The following CWC27 variants were observed in gnomAD, a reference collection of about 807,000 sequenced individuals.
CWC27 encodes spliceosome-associated protein CWC27 homolog.
CWC27 carries 47 observed loss-of-function variants against 63.6 expected under a neutral mutation model. The ratio of observed to expected loss-of-function variants is 0.74; its 90% CI spans 0.58 to 0.94. The LOEUF (loss-of-function observed/expected upper bound fraction) is 0.94. CWC27 is among the 40% of genes least tolerant of loss of function. CWC27 has a pLI of 0.00. For synonymous variants in CWC27, 175 were observed against 179.8 expected, an observed-to-expected ratio of 0.97 and a Z score of 0.22; for missense variants, 495 against 554.3, an observed-to-expected ratio of 0.89 and a Z score of 1.07.
At chr5:64,924,261 A>G (rs978381598) in intron 11 of CWC27, among the ~76,000 whole-genome samples, 17 of 152,072 alleles carry the variant, frequency 1.1e-4, no homozygotes, top group African/African-American at 3.9e-4. Context: ...TAACTACCTC[A>G]TGGGTTGCTA....
At chr5:64,863,677 C>T (rs995208862) in intron 10 of CWC27, among the ~76,000 whole-genome samples, 1 of 151,926 alleles carries the variant, frequency 6.6e-6, no homozygotes, top group African/African-American at 2.4e-5. Context: ...AAATTTTTTG[C>T]CACTCCTCAC....
chr5:64,775,984 G>A (rs10514975), intron 2 of CWC27, among the ~76,000 whole-genome samples: 81,614 of 150,588 alleles, frequency 0.54, 22,574 homozygotes, highest in East Asian at 0.85. Flanking sequence ...CTAAATAGAC[G>A]TAATTATCAG....
rs192107825 is a variant in CWC27 at position 64,808,095 on chromosome 5, G to C, written c.938+3709G>C. The C allele has an allele frequency of 2.0e-4, 234 of 1,169,036 alleles. 1 individual carries two copies. Among genetic ancestry groups the C allele is most frequent in the Non-Finnish European group, 2.4e-4 (225 of 943,416 alleles). 72.4% of individuals were successfully genotyped at this position (1,169,036 alleles called of 1,614,324 possible). On this transcript the variant is annotated intron_variant, in intron 10 of 13. Coordinates refer to ENST00000381070, the MANE Select transcript of CWC27 (RefSeq NM_005869.4). Reference sequence around the variant, plus strand: ...TCAAGAACCTTACTATTTAAAGTGTGATCTGTGAAGCAGTAGCATTAGTAT... The same window carrying C: ...TCAAGAACCTTACTATTTAAAGTGTCATCTGTGAAGCAGTAGCATTAGTAT...
Position 64,785,250 on chromosome 5 carries a change from A to T in CWC27, c.397-231A>T, listed in dbSNP as rs149707897. On this transcript the variant is annotated intron_variant, in intron 4 of 13. Coordinates refer to ENST00000381070, the MANE Select transcript of CWC27 (RefSeq NM_005869.4). ...GGCATTATATTATTAATAAAAACTT[A>T]CATTAAATATATATTGGAAATTTCC... is the stretch of plus-strand genomic sequence containing the variant. Among the ~76,000 whole-genome samples, 391 of 152,310 alleles carry T rather than the reference A, an allele frequency of 2.6e-3. 15 individuals are homozygous for T. In the East Asian group the frequency reaches 0.065, roughly 25 times the overall value.
At chr5:64,947,307 C>T (rs1748609787) in intron 11 of CWC27, among the ~76,000 whole-genome samples, 2 of 152,082 alleles carry the variant, frequency 1.3e-5, no homozygotes, top group South Asian at 2.1e-4. Context: ...TATTCAAGCA[C>T]CAATGAGCAG....
chr5:65,012,020 C>T (rs1749970256), intron 13 of CWC27, among the ~76,000 whole-genome samples: 1 of 152,176 alleles, frequency 6.6e-6, no homozygotes, highest in South Asian at 2.1e-4. Flanking sequence ...CCCAAAGATG[C>T]TCCCACATTG....
chr5:64,983,993 G>A (rs376202934), intron 13 of CWC27, among the ~76,000 whole-genome samples: 51 of 152,024 alleles, frequency 3.4e-4, no homozygotes, highest in East Asian at 2.9e-3. Flanking sequence ...CACCACGCCC[G>A]GCTAATTTTT....
chr5:64,837,560 A>T (rs1271549493), intron 10 of CWC27, among the ~76,000 whole-genome samples: 1 of 151,916 alleles, frequency 6.6e-6, no homozygotes, highest in African/African-American at 2.4e-5. Context: ...ACTGGGTTTA[A>T]TATCTAGCAT....
At chr5:64,977,891 T>G (rs1290487879) in intron 13 of CWC27, among the ~76,000 whole-genome samples, 2 of 152,008 alleles carry the variant, frequency 1.3e-5, no homozygotes, top group Non-Finnish European at 2.9e-5. Context: ...TGCAGTGTAT[T>G]AAGCCTCCCC....
intron 10 of CWC27, chr5:64,808,702 C>T (rs533532229): frequency 6.6e-6 from 1 of 152,210 alleles, no homozygotes; most frequent in South Asian, 2.1e-4. Context: ...CGGCTAATAT[C>T]TTAAGCATAT....
intron 11 of CWC27, among the ~76,000 whole-genome samples, chr5:64,968,197 GCT>G (rs1306846129): frequency 1.2e-4 from 18 of 152,058 alleles, no homozygotes; most frequent in African/African-American, 3.9e-4. Flanking sequence ...ACTATTTCAC[GCT>G]CTCTAAAATA....
intron 13 of CWC27, among the ~76,000 whole-genome samples, chr5:65,005,991 A>G (rs186116454): frequency 1.3e-5 from 2 of 152,320 alleles, no homozygotes; most frequent in Non-Finnish European, 2.9e-5. Context: ...TTTGATATTT[A>G]GTGTTAGTAA....
chr5:64,804,147 G>A, intron 9 of CWC27, 82 bp from the exon 10 acceptor site: 2 of 1,238,604 alleles, frequency 1.6e-6, no homozygotes, highest in South Asian at 1.7e-5. Context: ...ATGCAATAAG[G>A]AGATTCAGTG....
chr5:64,895,691 G>A (rs1301620523), intron 11 of CWC27, among the ~76,000 whole-genome samples: 1 of 152,132 alleles, frequency 6.6e-6, no homozygotes, highest in African/African-American at 2.4e-5. Flanking sequence ...TTAAGTAAGT[G>A]TGTGTAATAT....
intron 3 of CWC27, among the ~76,000 whole-genome samples, chr5:64,782,928 G>A (rs62369261): frequency 1.4e-4 from 22 of 152,138 alleles, no homozygotes; most frequent in African/African-American, 4.6e-4. Flanking sequence ...CCGTCTAGTC[G>A]GAAGCATTCT....
At chr5:65,017,701 A>G (rs1750074637) in intron 13 of CWC27, among the ~76,000 whole-genome samples, 1 of 152,228 alleles carries the variant, frequency 6.6e-6, no homozygotes, top group African/African-American at 2.4e-5. Flanking sequence ...AATTACCTTA[A>G]TGTATTCCCA....
chr5:64,790,876 CAGAG>C (rs987450044), intron 7 of CWC27, among the ~76,000 whole-genome samples: 6 of 152,228 alleles, frequency 3.9e-5, no homozygotes, highest in East Asian at 1.9e-4. Flanking sequence ...AAGTGAAACT[CAGAG>C]AGGGTTAAAT....
chr5:64,841,778 C>T (rs762918136), intron 10 of CWC27, among the ~76,000 whole-genome samples: 22 of 152,136 alleles, frequency 1.4e-4, no homozygotes, highest in Non-Finnish European at 2.2e-4. Context: ...TGGATTCAGG[C>T]GATTCTCCTG....
intron 3 of CWC27, among the ~76,000 whole-genome samples, chr5:64,783,560 T>C (rs1420912936): frequency 6.6e-6 from 1 of 152,206 alleles, no homozygotes; most frequent in Non-Finnish European, 1.5e-5. Flanking sequence ...GGAAATGACT[T>C]AGAAATCCAT....
Sources: gnomAD v4.1 joint callset for allele counts (sites outside exome capture counted in the v4.1 genomes callset) on GRCh38, gnomAD v4.1.1 for gene constraint, MANE v1.5 for transcripts, NCBI Gene and HGNC (gene_info 2026-07-23, HGNC 2026-07-21) for gene names.